SOD2: variants seen among roughly 807,000 people sequenced by gnomAD.
The protein encoded by SOD2 is superoxide dismutase 2.
Under a neutral mutation model 27.0 loss-of-function variants are expected in SOD2, and 11 were observed. The ratio of observed to expected loss-of-function variants is 0.41; its 90% CI spans 0.26 to 0.67. The LOEUF (loss-of-function observed/expected upper bound fraction) is 0.67, where lower values mean the gene tolerates loss of function less well. Among genes scored for constraint, SOD2 ranks in the 30% least tolerant of loss-of-function variants. The pLI is 0.34. For synonymous variants in SOD2, 105 were observed against 103.0 expected (o/e 1.02, Z -0.12); for missense variants, 250 against 274.5 (o/e 0.91, Z 0.63).
At chr6:159,739,824 C>CTTTTTTTTTTTTTTTTTTT (rs56389349) in intron 1 of SOD2, among the ~76,000 whole-genome samples, 1 of 85,158 alleles carries the variant, frequency 1.2e-5, no homozygotes, top group Non-Finnish European at 2.2e-5. Context: ...CACTTTTTAC[C>CTTTTTTTTTTTTTTTTTTT]TTTTTTTTTT....
At chr6:159,750,763 C>T (rs1000196404) in intron 1 of SOD2, among the ~76,000 whole-genome samples, 4 of 152,006 alleles carry the variant, frequency 2.6e-5, no homozygotes, top group South Asian at 2.1e-4. Context: ...GGATTTTTTT[C>T]TATAAAATTG....
At chr6:159,749,029 T>C, upstream of SOD2, 1 of 998,250 alleles carries the variant, frequency 1.0e-6, no homozygotes, top group Non-Finnish European at 1.2e-6. Flanking sequence ...GTAGCGCATA[T>C]ATTTAACCAT....
At chr6:159,728,267 A>C (rs757764916), upstream of SOD2, among the ~76,000 whole-genome samples, 4 of 152,240 alleles carry the variant, frequency 2.6e-5, no homozygotes, top group Non-Finnish European at 4.4e-5. Flanking sequence ...GACAGTTACT[A>C]GATTTTTTTT....
upstream of SOD2, among the ~76,000 whole-genome samples, chr6:159,693,955 G>A (rs1244321183): frequency 1.3e-5 from 2 of 152,244 alleles, no homozygotes; most frequent in Admixed American, 6.5e-5. Context: ...GAGACTGCAG[G>A]CAGGATTTGC....
chr6:159,724,335 A>G (rs1778098338), intron 1 of SOD2, among the ~76,000 whole-genome samples: 2 of 152,094 alleles, frequency 1.3e-5, no homozygotes, highest in Non-Finnish European at 2.9e-5. Context: ...TCTCTCACAC[A>G]CTGCACATCT....
intron 1 of SOD2, among the ~76,000 whole-genome samples, chr6:159,738,095 C>A (rs556605389): frequency 6.6e-6 from 1 of 152,220 alleles, no homozygotes; most frequent in Non-Finnish European, 1.5e-5. Context: ...TCACGTTATA[C>A]TAGCACTGTT....
chr6:159,732,217 C>T (rs1778615461), upstream of SOD2, among the ~76,000 whole-genome samples: 1 of 152,090 alleles, frequency 6.6e-6, no homozygotes. Context: ...CTGGGTTGGT[C>T]AAGGACCAAC....
exon 1 of SOD2, chr6:159,762,030 G>A (rs760859852): frequency 1.9e-6 from 3 of 1,597,334 alleles, no homozygotes; most frequent in South Asian, 2.2e-5. Flanking sequence ...TGGGCTGCGA[G>A]GAGGAGCTTT....
chr6:159,721,887 C>T (rs920661471), intron 1 of SOD2, among the ~76,000 whole-genome samples: 2 of 152,008 alleles, frequency 1.3e-5, no homozygotes, highest in Non-Finnish European at 1.5e-5. Flanking sequence ...CATTTCCCAG[C>T]AATCTTTCAT....
In SOD2 at chr6:159,761,958, G is replaced by C. The variant is rs762118573; in HGVS notation, c.-1257C>G. ...GCACAGTGGGATGCGCGGGGAGGTGGTGCGCGGGGAGGTGGAGGGCGAGGG... is the reference window on the plus strand; with the variant it reads ...GCACAGTGGGATGCGCGGGGAGGTGCTGCGCGGGGAGGTGGAGGGCGAGGG... On this transcript the variant is annotated 5_prime_UTR_variant, in exon 1 of 8. Coordinates refer to the SOD2 transcript ENST00000546087. The C allele has an allele frequency of 1.9e-5, 20 of 1,067,184 alleles. No homozygotes were observed. In the African/African-American group the frequency reaches 2.6e-4, roughly 14 times the overall value. 66.1% of individuals were successfully genotyped at this position (1,067,184 alleles called of 1,614,324 possible). A position where few individuals can be genotyped will look rare whatever the true frequency, so the allele number is the denominator to read the frequency against.
chr6:159,744,268 A>G (rs150960383), intron 1 of SOD2, among the ~76,000 whole-genome samples: 5 of 152,290 alleles, frequency 3.3e-5, no homozygotes, highest in South Asian at 2.1e-4. Context: ...AGTATTTACT[A>G]TGTCTACGTA....
At chr6:159,748,155 T>C, upstream of SOD2, 2 of 1,588,476 alleles carry the variant, frequency 1.3e-6, no homozygotes, top group African/African-American at 2.7e-5. The surrounding 1 kb of genome is among the most constrained non-coding windows in gnomAD (Gnocchi z 5.6). Context: ...ATGTTTCCTT[T>C]GATTTGGTCG....
At chr6:159,711,548 T>C (rs879002950) in intron 1 of SOD2, among the ~76,000 whole-genome samples, 39 of 62,150 alleles carry the variant, frequency 6.3e-4, no homozygotes, top group Non-Finnish European at 8.0e-4. Context: ...ATTGCTCTGA[T>C]CACCATAACC....
At chr6:159,745,587 G>A (rs564438150), upstream of SOD2, among the ~76,000 whole-genome samples, 5 of 152,242 alleles carry the variant, frequency 3.3e-5, no homozygotes, top group Admixed American at 2.0e-4. Context: ...TATGGCAGAT[G>A]AGGATAAAGT....
chr6:159,753,651 C>A (rs556596485), intron 1 of SOD2: 5 of 1,571,296 alleles, frequency 3.2e-6, no homozygotes, highest in Non-Finnish European at 4.3e-6. Flanking sequence ...GTTGTCTCAA[C>A]TTTGCATTGG....
upstream of SOD2, chr6:159,727,379 G>GGAGGCGA: frequency 8.9e-7 from 1 of 1,128,338 alleles, no homozygotes; most frequent in Non-Finnish European, 1.1e-6. Context: ...GAGGCTGGCG[G>GGAGGCGA]GAGGCGGGAG....
intron 2 of SOD2, chr6:159,691,685 A>G (rs554869788): frequency 6.6e-6 from 1 of 152,084 alleles, no homozygotes; most frequent in Admixed American, 6.6e-5. Flanking sequence ...CACAGACTCA[A>G]AAAGTCCACA....
upstream of SOD2, among the ~76,000 whole-genome samples, chr6:159,728,280 A>G (rs902997042): frequency 6.6e-6 from 1 of 151,940 alleles, no homozygotes; most frequent in African/African-American, 2.4e-5. Context: ...TTTTTTTTTC[A>G]CCGTTTTTCA....
chr6:159,726,724 C>T, intron 1 of SOD2: 1 of 1,258,450 alleles, frequency 7.9e-7, no homozygotes, highest in Non-Finnish European at 1.0e-6. Flanking sequence ...CAACCTCCGA[C>T]GCCAGAGAAC....
Sources: gnomAD v4.1 joint callset for allele counts (sites outside exome capture counted in the v4.1 genomes callset) on GRCh38, gnomAD v4.1.1 for gene constraint, Gnocchi (gnomAD v3.1) non-coding constraint, MANE v1.5 for transcripts, NCBI Gene and HGNC (gene_info 2026-07-23, HGNC 2026-07-21) for gene names.